EFCAB11: variants seen among roughly 807,000 people sequenced by gnomAD.
The protein encoded by EFCAB11 is EF-hand calcium binding domain 11, also known as EF-hand calcium-binding domain-containing protein 11.
Under a neutral mutation model 23.0 loss-of-function variants are expected in EFCAB11, and 14 were observed. The observed-to-expected ratio is 0.61, with a 90% CI of 0.40 to 0.95. The LOEUF is 0.95. Ranked by LOEUF, EFCAB11 falls within the 40% of genes least tolerant of loss-of-function variation. The pLI, the probability that EFCAB11 is intolerant of heterozygous loss-of-function variation, is 0.00. For missense variants in EFCAB11, 198 were observed against 195.8 expected (o/e 1.01, Z -0.07); for synonymous variants, 65 against 66.6 (o/e 0.98, Z 0.11).
intron 5 of EFCAB11, among the ~76,000 whole-genome samples, chr14:89,888,190 G>A (rs1241998856): frequency 6.6e-6 from 1 of 152,210 alleles, no homozygotes; most frequent in Admixed American, 6.5e-5. Context: ...GCTGGAGGTG[G>A]GGCCTTTGGA....
chr14:89,859,753 T>C (rs1887863882), intron 5 of EFCAB11, among the ~76,000 whole-genome samples: 2 of 152,160 alleles, frequency 1.3e-5, no homozygotes, highest in African/African-American at 4.8e-5. Context: ...GAAGTAAGGC[T>C]GTTCCATCAT....
Position 89,796,663 on chromosome 14 carries a change from A to G in EFCAB11, c.*580T>C, listed in dbSNP as rs1885582784. The G allele has an allele frequency of 6.6e-6, 1 of 152,216 alleles. No individual in the cohort carries two copies. Among genetic ancestry groups the G allele is most frequent in the Non-Finnish European group, 1.5e-5 (1 of 68,080 alleles). The allele number at this position is 152,216 out of a possible 1,614,324, so 9.4% of individuals were successfully genotyped here. A position where few individuals can be genotyped will look rare whatever the true frequency, so the allele number is the denominator to read the frequency against. On this transcript the variant is annotated 3_prime_UTR_variant, in exon 6 of 6. Coordinates refer to ENST00000316738, the MANE Select transcript of EFCAB11 (RefSeq NM_145231.4). ...CTGGCTGATTGCTTGGAACATAGTA[A>G]GTATTCTGTATGTGTAGGTGCTATT...
intron 5 of EFCAB11, among the ~76,000 whole-genome samples, chr14:89,905,045 C>T (rs1344250304): frequency 6.6e-6 from 1 of 152,128 alleles, no homozygotes; most frequent in Non-Finnish European, 1.5e-5. Context: ...ATAAATTCTT[C>T]CTCCTGCTGG....
intron 5 of EFCAB11, among the ~76,000 whole-genome samples, chr14:89,865,565 A>T (rs1235007019): frequency 3.3e-5 from 5 of 152,082 alleles, no homozygotes; most frequent in African/African-American, 1.2e-4. Flanking sequence ...GCAGTGAAAC[A>T]ATCACGGCTC....
chr14:89,854,023 A>T (rs1176913840), intron 5 of EFCAB11, among the ~76,000 whole-genome samples: 1 of 152,186 alleles, frequency 6.6e-6, no homozygotes, highest in Non-Finnish European at 1.5e-5. Flanking sequence ...TCAAAAAGAG[A>T]GAGAGCAAGA....
At chr14:89,919,299 G>T (rs1889950034) in intron 5 of EFCAB11, among the ~76,000 whole-genome samples, 1 of 152,200 alleles carries the variant, frequency 6.6e-6, no homozygotes, top group Non-Finnish European at 1.5e-5. Context: ...TGGTAAGTAA[G>T]CTTCAGATCT....
intron 5 of EFCAB11, among the ~76,000 whole-genome samples, chr14:89,800,792 C>T (rs1174809088): frequency 6.6e-6 from 1 of 152,100 alleles, no homozygotes; most frequent in East Asian, 1.9e-4. Context: ...CCTGTAATCC[C>T]AGCACTTTGG....
At chr14:89,891,154 A>C (rs1888952026) in intron 5 of EFCAB11, among the ~76,000 whole-genome samples, 1 of 152,186 alleles carries the variant, frequency 6.6e-6, no homozygotes, top group South Asian at 2.1e-4. Flanking sequence ...CTCTGATTTC[A>C]TCCTGGACTT....
At chr14:89,842,623 ATATGATATG>A (rs1887306875) in intron 5 of EFCAB11, among the ~76,000 whole-genome samples, 5 of 151,318 alleles carry the variant, frequency 3.3e-5, no homozygotes, top group African/African-American at 9.8e-5. Flanking sequence ...ATATGATATG[ATATGATATG>A]ATATGATATA....
At chr14:89,825,133 C>T (rs1030333685) in intron 5 of EFCAB11, among the ~76,000 whole-genome samples, 1 of 141,678 alleles carries the variant, frequency 7.1e-6, no homozygotes, top group Non-Finnish European at 1.5e-5. Flanking sequence ...AGTTGCAACA[C>T]ATTTGAAAAG....
chr14:89,835,393 C>T (rs994901553), intron 5 of EFCAB11, among the ~76,000 whole-genome samples: 61 of 152,224 alleles, frequency 4.0e-4, no homozygotes, highest in African/African-American at 1.2e-3. Flanking sequence ...TTCACTGATA[C>T]TTTATAAACA....
intron 5 of EFCAB11, among the ~76,000 whole-genome samples, chr14:89,925,074 A>C (rs1890146905): frequency 1.3e-5 from 2 of 152,272 alleles, no homozygotes; most frequent in Admixed American, 1.3e-4. Context: ...TAAGGAAAGA[A>C]GACTGTACAA....
At chr14:89,859,786 AG>A (rs1214406885) in intron 5 of EFCAB11, among the ~76,000 whole-genome samples, 1 of 152,156 alleles carries the variant, frequency 6.6e-6, no homozygotes, top group African/African-American at 2.4e-5. Flanking sequence ...CAGGCAGAGG[AG>A]GGGGCATGAG....
intron 5 of EFCAB11, among the ~76,000 whole-genome samples, chr14:89,926,393 C>G (rs1890195264): frequency 6.6e-6 from 1 of 152,054 alleles, no homozygotes; most frequent in African/African-American, 2.4e-5. Context: ...CCTAATAAAA[C>G]AAAGACCTCT....
intron 5 of EFCAB11, among the ~76,000 whole-genome samples, chr14:89,841,737 C>T (rs1392754594): frequency 6.6e-6 from 1 of 152,056 alleles, no homozygotes; most frequent in African/African-American, 2.4e-5. Flanking sequence ...GTTGCACACT[C>T]TCCTTTCTTT....
intron 5 of EFCAB11, among the ~76,000 whole-genome samples, chr14:89,860,446 A>G (rs1887888053): frequency 6.6e-6 from 1 of 152,222 alleles, no homozygotes; most frequent in Non-Finnish European, 1.5e-5. Context: ...CATTCTAAAA[A>G]GCTTGTGTTG....
At chr14:89,921,592 CT>C (rs1290128644) in intron 5 of EFCAB11, among the ~76,000 whole-genome samples, 2 of 152,144 alleles carry the variant, frequency 1.3e-5, no homozygotes, top group African/African-American at 4.8e-5. Flanking sequence ...TGCCACTGGT[CT>C]TTGGAGAACT....
Position 89,953,923 on chromosome 14 carries a change from C to G in EFCAB11, c.154G>C (p.Gly52Arg). The G allele has an allele frequency of 1.9e-5, 30 of 1,613,588 alleles. No homozygotes were observed. Among genetic ancestry groups the G allele is most frequent in the Non-Finnish European group, 2.5e-5 (30 of 1,179,922 alleles). Residue 52 changes from glycine to arginine, a missense_variant, in exon 2 of 6, where the codon GGG becomes CGG. Coordinates refer to ENST00000316738, the MANE Select transcript of EFCAB11 (RefSeq NM_145231.4). ...AGCTCTACCTTGGAGGGCTTGTACC[C>G]AAACAGCATTACAACAGCAGTTTTA... ...DFKTAVVMLFGYKPSKIEVDS... is the reference protein window; with the variant it reads ...DFKTAVVMLFRYKPSKIEVDS...
chr14:89,953,953 C>A lies in EFCAB11; in HGVS notation c.124G>T (p.Asp42Tyr). Residue 42 changes from aspartate (D) to tyrosine (Y), a missense_variant, in exon 2 of 6, where the codon GAC (aspartate) becomes TAC (tyrosine). Physicochemically the swap from Asp to Tyr is radical, Grantham distance 160. Transcript: ENST00000316738. ...EDHKGYLSRE[D>Y]FKTAVVMLFG... Reference sequence around the variant, plus strand: ...AGCATTACAACAGCAGTTTTAAAGTCCTCTCTGCTGAGATATCCTTTGTGA... The same window carrying A: ...AGCATTACAACAGCAGTTTTAAAGTACTCTCTGCTGAGATATCCTTTGTGA... 6.2e-7 allele frequency: 1 copy of A among 1,613,780 alleles called. No individual in the cohort carries two copies. The highest frequency in any genetic ancestry group is 8.5e-7 in the Non-Finnish European group (1 of 1,179,992).
Sources: gnomAD v4.1 joint callset for allele counts (sites outside exome capture counted in the v4.1 genomes callset) on GRCh38, gnomAD v4.1.1 for gene constraint, MANE v1.5 for transcripts, NCBI Gene and HGNC (gene_info 2026-07-23, HGNC 2026-07-21) for gene names.